TTC28: variants seen among roughly 807,000 people sequenced by gnomAD.
TTC28 encodes tetratricopeptide repeat protein 28.
In TTC28, 61 loss-of-function variants were observed where a neutral mutation model predicts 198.0. The ratio of observed to expected loss-of-function variants is 0.31; its 90% CI spans 0.25 to 0.38. The LOEUF (loss-of-function observed/expected upper bound fraction) is 0.38, where lower values mean the gene tolerates loss of function less well. Ranked by LOEUF, TTC28 falls within the 10% of genes least tolerant of loss-of-function variation. The pLI is 1.00. For missense variants in TTC28, 2,678 were observed against 3,164.0 expected (o/e 0.85, Z 3.69); for synonymous variants, 1,171 against 1,297.8 (o/e 0.90, Z 2.10).
At chr22:28,604,802 A>G (rs2050704958) in intron 2 of TTC28, among the ~76,000 whole-genome samples, 1 of 152,150 alleles carries the variant, frequency 6.6e-6, no homozygotes, top group South Asian at 2.1e-4. Flanking sequence ...ATTACAGGAG[A>G]CAAGACTAGT....
intron 2 of TTC28, among the ~76,000 whole-genome samples, chr22:28,598,501 T>C (rs1435703934): frequency 1.0e-5 from 1 of 100,452 alleles, no homozygotes; most frequent in Non-Finnish European, 1.8e-5. Flanking sequence ...AGAGCGAGAC[T>C]ACGTCTCCAA....
intron 5 of TTC28, among the ~76,000 whole-genome samples, chr22:28,199,534 T>TAC (rs1266902660): frequency 2.7e-5 from 4 of 147,098 alleles, no homozygotes; most frequent in African/African-American, 1.0e-4. Flanking sequence ...CCTATACATA[T>TAC]ATATATATAT....
chr22:28,365,177 G>T (rs1480258875), intron 2 of TTC28, among the ~76,000 whole-genome samples: 1 of 152,178 alleles, frequency 6.6e-6, no homozygotes, highest in Admixed American at 6.5e-5. Context: ...AGGGCTGAAG[G>T]CTTGATGATC....
At chr22:28,213,478 A>G (rs1266565042) in intron 5 of TTC28, among the ~76,000 whole-genome samples, 1 of 51,172 alleles carries the variant, frequency 2.0e-5, no homozygotes, top group African/African-American at 8.4e-5. Flanking sequence ...CTTCCTATAC[A>G]CCCATAACAG....
chr22:28,015,811 C>T (rs551040801), intron 13 of TTC28, among the ~76,000 whole-genome samples: 2 of 151,926 alleles, frequency 1.3e-5, no homozygotes, highest in South Asian at 2.1e-4. Context: ...AGGGCAAAGA[C>T]CATGCCGTAA....
At chr22:28,115,175 A>T (rs1427344362) in intron 6 of TTC28, among the ~76,000 whole-genome samples, 1 of 152,048 alleles carries the variant, frequency 6.6e-6, no homozygotes, top group East Asian at 1.9e-4. Flanking sequence ...TTTTTAAGAG[A>T]CAGAGTCTTA....
At position 28,091,928 on chromosome 22, in the gene TTC28, T is replaced by C. The variant is rs1448134863; in HGVS notation, c.3932+2152A>G. On this transcript the variant is annotated intron_variant, in intron 12 of 22. Coordinates refer to ENST00000397906, the MANE Select transcript of TTC28 (RefSeq NM_001145418.2). ...AACCTATGCTGGGAGTTGTAGAGGC[T>C]TCCTTAAGGAGAGAATATTTGAGCT... 1.3e-5 allele frequency among the ~76,000 whole-genome samples: 2 copies of C among 152,200 alleles called. 1 individual carries two copies. Among genetic ancestry groups the C allele is most frequent in the Non-Finnish European group, 2.9e-5 (2 of 68,036 alleles).
intron 2 of TTC28, among the ~76,000 whole-genome samples, chr22:28,486,804 A>C (rs921313164): frequency 6.6e-6 from 1 of 152,218 alleles, no homozygotes; most frequent in African/African-American, 2.4e-5. Flanking sequence ...TACAAAATGA[A>C]GGATACAACA....
intron 2 of TTC28, among the ~76,000 whole-genome samples, chr22:28,404,110 G>GT (rs1160638001): frequency 6.6e-6 from 1 of 152,062 alleles, no homozygotes; most frequent in Non-Finnish European, 1.5e-5. Flanking sequence ...TAGAATATAT[G>GT]TTTTTTGTTT....
intron 2 of TTC28, among the ~76,000 whole-genome samples, 180 bp from the exon 3 acceptor site, chr22:28,306,823 G>T (rs1379507521): frequency 6.6e-6 from 1 of 152,092 alleles, no homozygotes; most frequent in Non-Finnish European, 1.5e-5. Flanking sequence ...CTTTTATCAG[G>T]CAACTTCTAT....
rs935351980 is a variant in TTC28 at position 28,552,981 on chromosome 22, G to A, written c.381+76571C>T. The stretch of plus-strand genomic sequence containing the variant: ...TTCGTATTTTTTTGGTGGAGACGGG[G>A]TTTCGCTGTGTTGGCCGGGCTGGTC... On this transcript the variant is annotated intron_variant, in intron 2 of 22. Coordinates refer to ENST00000397906, the MANE Select transcript of TTC28 (RefSeq NM_001145418.2). Among the ~76,000 whole-genome samples the A allele has an allele frequency of 2.6e-5, 4 of 152,240 alleles. No individual in the cohort carries two copies. The East Asian group carries it at 7.7e-4, about 29-fold the overall frequency.
chr22:28,135,980 C>T (rs554876461), intron 6 of TTC28, among the ~76,000 whole-genome samples: 1 of 152,272 alleles, frequency 6.6e-6, no homozygotes, highest in Non-Finnish European at 1.5e-5. Context: ...AGGGTCAGTT[C>T]TGGGGTTTTT....
intron 2 of TTC28, among the ~76,000 whole-genome samples, chr22:28,500,198 C>A (rs1325909055): frequency 6.6e-6 from 1 of 152,090 alleles, no homozygotes; most frequent in Non-Finnish European, 1.5e-5. Context: ...TCCTCCTACC[C>A]CAAGCTCCTG....
intron 2 of TTC28, among the ~76,000 whole-genome samples, chr22:28,459,321 C>T (rs996636933): frequency 5.9e-5 from 9 of 151,910 alleles, no homozygotes; most frequent in African/African-American, 2.2e-4. Context: ...GTTCCAGATA[C>T]TCAGGATGCT....
chr22:28,091,947 T>C (rs981541248), intron 12 of TTC28, among the ~76,000 whole-genome samples: 1 of 152,148 alleles, frequency 6.6e-6, no homozygotes, highest in African/African-American at 2.4e-5. Flanking sequence ...GAGAGAATAT[T>C]TGAGCTGAGC....
At chr22:28,389,232 G>C (rs1344235810) in intron 2 of TTC28, among the ~76,000 whole-genome samples, 1 of 152,192 alleles carries the variant, frequency 6.6e-6, no homozygotes, top group African/African-American at 2.4e-5. Context: ...TGTGCTGCTG[G>C]ATTCGGTTTG....
At chr22:28,567,002 G>T (rs2049979587) in intron 2 of TTC28, among the ~76,000 whole-genome samples, 1 of 152,070 alleles carries the variant, frequency 6.6e-6, no homozygotes, top group African/African-American at 2.4e-5. Context: ...GGATCATGAG[G>T]TCAGGAGTTC....
Position 28,001,458 on chromosome 22 carries a change from C to T in TTC28, c.4314G>A (p.Lys1438=), listed in dbSNP as rs1422260407. 4.5e-6 allele frequency: 7 copies of T among 1,551,504 alleles called. No individual in the cohort carries two copies. The highest frequency in any genetic ancestry group is 4.4e-6 in the Non-Finnish European group (5 of 1,146,990). The change falls in exon 15 of 23, where the codon AAG becomes AAA. Residue 1438 remains lysine (K), a synonymous_variant. Transcript: ENST00000397906. The part of the protein sequence containing the change: ...ELYLIPFALL[K]GSSSNEYLYE... ...AGAGGTACTCATTGGAGGAGCTTCCCTTCAGGAGGGCGAAAGGAATGAGGT... is the reference window on the plus strand; with the variant it reads ...AGAGGTACTCATTGGAGGAGCTTCCTTTCAGGAGGGCGAAAGGAATGAGGT...
At chr22:28,499,474 A>T (rs2048505209) in intron 2 of TTC28, among the ~76,000 whole-genome samples, 1 of 152,184 alleles carries the variant, frequency 6.6e-6, no homozygotes, top group South Asian at 2.1e-4. Flanking sequence ...TCTTAGTCCC[A>T]TCTTACAATT....
Sources: allele counts gnomAD v4.1 joint callset (sites outside exome capture counted in the v4.1 genomes callset), GRCh38; gene constraint gnomAD v4.1.1; transcripts MANE v1.5; gene names NCBI Gene and HGNC (gene_info 2026-07-23, HGNC 2026-07-21).